Variants in CTNNA3 observed in about 807,000 individuals in gnomAD.
CTNNA3 encodes catenin alpha 3, also known as catenin alpha-3.
A neutral mutation model predicts 95.7 loss-of-function variants in CTNNA3; 76 were observed. The ratio of observed to expected loss-of-function variants is 0.79; its 90% CI spans 0.66 to 0.96. CTNNA3 has a LOEUF of 0.96. Among genes scored for constraint, CTNNA3 ranks in the 40% least tolerant of loss-of-function variants. The pLI is 0.00. For missense variants in CTNNA3, 1,191 were observed against 1,089.8 expected, an observed-to-expected ratio of 1.09 and a Z score of -1.31; for synonymous variants, 431 against 374.4, an observed-to-expected ratio of 1.15 and a Z score of -1.74.
chr10:66,374,511 A>G (rs933867991), intron 12 of CTNNA3, among the ~76,000 whole-genome samples: 2 of 151,968 alleles, frequency 1.3e-5, no homozygotes, highest in Non-Finnish European at 2.9e-5. Flanking sequence ...TAATTCTAAC[A>G]TACGACACAA....
intron 15 of CTNNA3, among the ~76,000 whole-genome samples, chr10:66,042,026 C>T (rs1458495859): frequency 2.0e-5 from 3 of 152,202 alleles, no homozygotes; most frequent in Admixed American, 6.5e-5. Context: ...CTGTCTTCCA[C>T]TTATGCTCTG....
intron 9 of CTNNA3, among the ~76,000 whole-genome samples, chr10:66,660,683 C>T (rs779135753): frequency 3.3e-5 from 5 of 152,174 alleles, no homozygotes; most frequent in Non-Finnish European, 5.9e-5. Flanking sequence ...GATTTCTCCT[C>T]AGCTGATAAT....
At chr10:66,762,852 T>C (rs531002781) in intron 9 of CTNNA3, among the ~76,000 whole-genome samples, 53 of 152,234 alleles carry the variant, frequency 3.5e-4, no homozygotes, top group African/African-American at 1.3e-3. Flanking sequence ...TTGATAGAAA[T>C]CTTTAAATAT....
At chr10:67,619,167 A>G (rs1315260492) in intron 2 of CTNNA3, among the ~76,000 whole-genome samples, 32 of 152,210 alleles carry the variant, frequency 2.1e-4, no homozygotes, top group Middle Eastern at 3.2e-3. Flanking sequence ...GCTCTCAAGA[A>G]AGAAAATAAT....
chr10:67,235,224 G>A (rs943829496), intron 5 of CTNNA3, among the ~76,000 whole-genome samples: 2 of 151,760 alleles, frequency 1.3e-5, no homozygotes, highest in African/African-American at 2.4e-5. Context: ...TAAGCCAAAA[G>A]AACAAAGCTG....
In CTNNA3 at chr10:66,187,581, G is replaced by A. The variant is rs576453006; in HGVS notation, c.1885-84332C>T. ...CTGGGAATTGAAGGTGTACCACAAC[G>A]TGCACCCTGAGCTCCTCAGCAAAAG... On this transcript the variant is annotated intron_variant, in intron 13 of 17. Transcript: ENST00000433211. 1.6e-3 allele frequency among the ~76,000 whole-genome samples: 238 copies of A among 151,764 alleles called. 1 individual carries two copies. Among genetic ancestry groups the A allele is most frequent in the Admixed American group, 3.8e-3 (57 of 15,188 alleles).
Position 66,526,289 on chromosome 10 carries a change from G to A in CTNNA3, c.1375-5516C>T, listed in dbSNP as rs797022079. Among the ~76,000 whole-genome samples the A allele has an allele frequency of 9.2e-5, 14 of 152,154 alleles. No individual in the cohort carries two copies. In the East Asian group the frequency reaches 1.2e-3, roughly 13 times the overall value. ...CAACTTCCACCTCTCAGGCTCAAGC[G>A]ATCCTCCCACCTCAGCCTCCCAAGT... On this transcript the variant is annotated intron_variant, in intron 10 of 17. Transcript: ENST00000433211.
At chr10:67,547,222 A>G (rs912350519) in intron 3 of CTNNA3, among the ~76,000 whole-genome samples, 1 of 152,162 alleles carries the variant, frequency 6.6e-6, no homozygotes, top group Non-Finnish European at 1.5e-5. Flanking sequence ...CCCCCAAAAA[A>G]TACAAGTATA....
chr10:66,791,364 A>G lies in CTNNA3; in HGVS notation c.1048-15840T>C, dbSNP rs182777547. 1.3e-3 allele frequency among the ~76,000 whole-genome samples: 195 copies of G among 152,312 alleles called. 1 individual carries two copies. Among genetic ancestry groups the G allele is most frequent in the African/African-American group, 4.5e-3 (188 of 41,572 alleles). On this transcript the variant is annotated intron_variant, in intron 7 of 17. Transcript: ENST00000433211. ...TTCCAACCATTATGGCTTTCCAGAT[A>G]GTTAAACATGTCATTCCCTTCTTCT... is the stretch of plus-strand genomic sequence containing the variant.
At chr10:65,962,550 C>A (rs1828556806) in intron 17 of CTNNA3, among the ~76,000 whole-genome samples, 1 of 151,958 alleles carries the variant, frequency 6.6e-6, no homozygotes, top group South Asian at 2.1e-4. Context: ...CTGTTTCTCT[C>A]TTAGACTAAT....
intron 9 of CTNNA3, among the ~76,000 whole-genome samples, chr10:66,664,997 C>T (rs1291170379): frequency 1.3e-5 from 2 of 151,194 alleles, no homozygotes; most frequent in African/African-American, 4.9e-5. Context: ...TACAAATACA[C>T]AGAGCGGATA....
intron 2 of CTNNA3, among the ~76,000 whole-genome samples, chr10:67,631,567 G>A (rs1456503143): frequency 6.6e-6 from 1 of 152,150 alleles, no homozygotes; most frequent in Non-Finnish European, 1.5e-5. Context: ...TTTTTAATGG[G>A]ACTACTGAAT....
At chr10:66,443,344 C>A (rs999884649) in intron 11 of CTNNA3, among the ~76,000 whole-genome samples, 1 of 152,206 alleles carries the variant, frequency 6.6e-6, no homozygotes, top group Non-Finnish European at 1.5e-5. Flanking sequence ...GATCTGAGAA[C>A]AGGCAGACTG....
rs1046813319 is a variant in CTNNA3 at position 67,672,046 on chromosome 10, G to A, written c.-6+23954C>T. Among the ~76,000 whole-genome samples, 69 of 152,134 alleles carry A rather than the reference G, an allele frequency of 4.5e-4. No individual in the cohort carries two copies. The East Asian group carries it at 8.5e-3, about 19-fold the overall frequency. On this transcript the variant is annotated intron_variant, in intron 1 of 17. Coordinates refer to ENST00000433211, the MANE Select transcript of CTNNA3 (RefSeq NM_013266.4). ...GTTGTTTCCTGACTTTTTGATGATC[G>A]CCATTCTAACTGGTGTGAGATGGTA...
At chr10:67,593,866 G>C (rs981236552) in intron 3 of CTNNA3, among the ~76,000 whole-genome samples, 1 of 151,988 alleles carries the variant, frequency 6.6e-6, no homozygotes, top group Admixed American at 6.6e-5. Context: ...TCCAGCTTTT[G>C]CCTATTCATA....
At chr10:66,784,301 G>T (rs954985166) in intron 7 of CTNNA3, among the ~76,000 whole-genome samples, 1 of 149,974 alleles carries the variant, frequency 6.7e-6, no homozygotes, top group Non-Finnish European at 1.5e-5. Context: ...TTTCCTTCAA[G>T]ATAAATTAGT....
chr10:67,450,042 A>G (rs939103530), intron 5 of CTNNA3, among the ~76,000 whole-genome samples: 2 of 152,250 alleles, frequency 1.3e-5, no homozygotes, highest in African/African-American at 4.8e-5. Flanking sequence ...AGCATATGAA[A>G]AAAAGCTCAA....
At chr10:66,717,501 A>T (rs1564636851) in intron 9 of CTNNA3, among the ~76,000 whole-genome samples, 1 of 152,080 alleles carries the variant, frequency 6.6e-6, no homozygotes, top group Non-Finnish European at 1.5e-5. Context: ...GCGCTTTTTG[A>T]GGCTGGAAAT....
At chr10:66,189,664 AT>A in intron 13 of CTNNA3, among the ~76,000 whole-genome samples, 1 of 149,924 alleles carries the variant, frequency 6.7e-6, no homozygotes, top group East Asian at 1.9e-4. Context: ...ACACACATAT[AT>A]ATATATTGTT....
Sources: allele counts gnomAD v4.1 joint callset (sites outside exome capture counted in the v4.1 genomes callset), GRCh38; gene constraint gnomAD v4.1.1; transcripts MANE v1.5; gene names NCBI Gene and HGNC (gene_info 2026-07-23, HGNC 2026-07-21).